The following AGBL4 variants were observed in gnomAD, a reference collection of about 807,000 sequenced individuals.
AGBL4 encodes the protein AGBL carboxypeptidase 4.
AGBL4 carries 58 observed loss-of-function variants against 66.4 expected under a neutral mutation model. That is an observed-to-expected ratio of 0.87 (90% CI 0.71 to 1.09). AGBL4 has a LOEUF of 1.09. Ranked by LOEUF, AGBL4 falls within the 50% of genes least tolerant of loss-of-function variation. The pLI is 0.00. For synonymous variants in AGBL4, 234 were observed against 222.9 expected (o/e 1.05, Z -0.44); for missense variants, 579 against 631.0 (o/e 0.92, Z 0.88).
chr1:49,011,455 T>C (rs993127762), intron 5 of AGBL4, among the ~76,000 whole-genome samples: 3 of 152,198 alleles, frequency 2.0e-5, no homozygotes, highest in African/African-American at 7.2e-5. Flanking sequence ...AGTTCAACCA[T>C]TGTGCAAGTC....
intron 5 of AGBL4, among the ~76,000 whole-genome samples, chr1:48,877,478 T>C (rs1381243081): frequency 2.6e-5 from 4 of 152,120 alleles, no homozygotes; most frequent in African/African-American, 7.2e-5. Flanking sequence ...GAAATCTCTC[T>C]GAAACACCAC....
intron 3 of AGBL4, among the ~76,000 whole-genome samples, chr1:49,352,770 A>T (rs1643937414): frequency 6.6e-6 from 1 of 152,244 alleles, no homozygotes; most frequent in Non-Finnish European, 1.5e-5. Context: ...AGCACTTTAG[A>T]CATGTTACTG....
At chr1:48,848,484 C>T (rs897878547) in intron 6 of AGBL4, among the ~76,000 whole-genome samples, 3 of 152,082 alleles carry the variant, frequency 2.0e-5, no homozygotes, top group East Asian at 3.8e-4. Flanking sequence ...AAATCTATCT[C>T]GGCCTTATGA....
At chr1:49,530,057 T>A (rs1007183985) in intron 3 of AGBL4, among the ~76,000 whole-genome samples, 3 of 151,746 alleles carry the variant, frequency 2.0e-5, no homozygotes, top group African/African-American at 7.3e-5. Context: ...TTTGAATGAA[T>A]AATAAAAGAT....
At chr1:49,977,721 G>A (rs1459219889) in intron 1 of AGBL4, among the ~76,000 whole-genome samples, 1 of 151,822 alleles carries the variant, frequency 6.6e-6, no homozygotes. Context: ...TTTTCAATTG[G>A]CTAATTTTTG....
chr1:49,943,780 C>T (rs1396573386), intron 1 of AGBL4, among the ~76,000 whole-genome samples: 1 of 151,842 alleles, frequency 6.6e-6, no homozygotes, highest in African/African-American at 2.4e-5. Context: ...TGAGAAGTCT[C>T]CCAGCCAGAA....
chr1:48,693,470 G>A (rs1178219389), intron 6 of AGBL4, among the ~76,000 whole-genome samples: 7 of 152,286 alleles, frequency 4.6e-5, no homozygotes, highest in Non-Finnish European at 8.8e-5. Flanking sequence ...TGGTCTCCGC[G>A]CTGACCTGTC....
Position 49,235,045 on chromosome 1 carries a change from T to C in AGBL4, c.377+10725A>G, listed in dbSNP as rs114498512. 9.3e-3 allele frequency among the ~76,000 whole-genome samples: 1,421 copies of C among 152,342 alleles called. 14 individuals are homozygous for C. The highest frequency in any genetic ancestry group is 0.033 in the African/African-American group (1,363 of 41,580). On this transcript the variant is annotated intron_variant, in intron 4 of 13. Transcript: ENST00000371839. ...CTATTATGTAGGCTGTTTCATATTATGGAAAAACATTAGAAAGCCTGGGTT... is the reference window on the plus strand; with the variant it reads ...CTATTATGTAGGCTGTTTCATATTACGGAAAAACATTAGAAAGCCTGGGTT...
chr1:49,054,832 G>A (rs1186799844), intron 4 of AGBL4, among the ~76,000 whole-genome samples: 1 of 151,650 alleles, frequency 6.6e-6, no homozygotes, highest in Non-Finnish European at 1.5e-5. Flanking sequence ...CATTGATTTT[G>A]TACTTTTTCT....
In AGBL4 at chr1:49,009,981, C is replaced by A. The variant is rs867428506; in HGVS notation, c.594+35603G>T. ...TGAAAACTGGCACAAGACAGGGATG[C>A]CCTCTCTCACCACTCCTATTCAACA... On this transcript the variant is annotated intron_variant, in intron 5 of 13. Transcript: ENST00000371839. 4.6e-5 allele frequency among the ~76,000 whole-genome samples: 7 copies of A among 152,014 alleles called. No homozygotes were observed. In the East Asian group the frequency reaches 1.2e-3, roughly 25 times the overall value.
chr1:48,763,093 T>G (rs1429882360), intron 6 of AGBL4, among the ~76,000 whole-genome samples: 3 of 89,696 alleles, frequency 3.3e-5, no homozygotes, highest in African/African-American at 1.2e-4. Context: ...GAATAGAGAT[T>G]TAATTAAAAC....
rs534849093 is a variant in AGBL4, at chr1:49,023,179, T to G, written c.594+22405A>C. 2.0e-5 allele frequency among the ~76,000 whole-genome samples: 3 copies of G among 152,280 alleles called. No individual in the cohort carries two copies. The South Asian group carries it at 6.2e-4, about 32-fold the overall frequency. On this transcript the variant is annotated intron_variant, in intron 5 of 13. Coordinates refer to ENST00000371839, the MANE Select transcript of AGBL4 (RefSeq NM_032785.4). ...GGAATGGAGAAGGGCTCAGGCCATC[T>G]TGGGAGCAGGAAGGTATGCTGAGAG...
chr1:49,205,102 G>A (rs927678390), intron 4 of AGBL4, among the ~76,000 whole-genome samples: 6 of 152,044 alleles, frequency 3.9e-5, no homozygotes, highest in Non-Finnish European at 8.8e-5. Flanking sequence ...TAGTCTAGAC[G>A]AACTCCATCT....
At chr1:49,174,558 G>T (rs1646796637) in intron 4 of AGBL4, among the ~76,000 whole-genome samples, 1 of 151,990 alleles carries the variant, frequency 6.6e-6, no homozygotes, top group African/African-American at 2.4e-5. Flanking sequence ...GAATTTGAAA[G>T]AACAAAATGA....
chr1:48,595,341 T>C (rs1399916944), intron 9 of AGBL4, among the ~76,000 whole-genome samples: 1 of 152,146 alleles, frequency 6.6e-6, no homozygotes, highest in Non-Finnish European at 1.5e-5. Context: ...TCATTAAAGG[T>C]TTACAAAGGA....
At chr1:49,544,005 G>T (rs1389196497) in intron 3 of AGBL4, among the ~76,000 whole-genome samples, 5 of 152,124 alleles carry the variant, frequency 3.3e-5, no homozygotes, top group Admixed American at 3.3e-4. Context: ...GAGCTTATTT[G>T]CCATTTTTCA....
At chr1:48,878,343 G>A (rs1448472086) in intron 5 of AGBL4, among the ~76,000 whole-genome samples, 3 of 152,140 alleles carry the variant, frequency 2.0e-5, no homozygotes, top group Non-Finnish European at 2.9e-5. Flanking sequence ...GTGTTTTCTG[G>A]CCCCAGCTTT....
At chr1:48,532,203 A>G (rs1643910115), downstream of AGBL4, among the ~76,000 whole-genome samples, 1 of 152,192 alleles carries the variant, frequency 6.6e-6, no homozygotes, top group African/African-American at 2.4e-5. Flanking sequence ...CCATTTAGTG[A>G]GCACATAAAT....
intron 6 of AGBL4, among the ~76,000 whole-genome samples, chr1:48,682,244 G>C (rs980062897): frequency 7.9e-5 from 12 of 152,214 alleles, no homozygotes; most frequent in African/African-American, 2.9e-4. Flanking sequence ...CATGCAGTGT[G>C]TGTATTTGTT....
Sources: gnomAD v4.1 joint callset for allele counts (sites outside exome capture counted in the v4.1 genomes callset) on GRCh38, gnomAD v4.1.1 for gene constraint, MANE v1.5 for transcripts, NCBI Gene and HGNC (gene_info 2026-07-23, HGNC 2026-07-21) for gene names.